Variants in TSPAN18 observed in about 807,000 individuals in gnomAD.
TSPAN18 encodes the protein tetraspanin 18.
Under a neutral mutation model 27.3 loss-of-function variants are expected in TSPAN18, and 14 were observed. The observed-to-expected ratio is 0.51, with a 90% CI of 0.34 to 0.80. The LOEUF (loss-of-function observed/expected upper bound fraction) is 0.80, where lower values mean the gene tolerates loss of function less well. TSPAN18 is among the 30% of genes least tolerant of loss of function. TSPAN18 has a pLI of 0.01. For missense variants in TSPAN18, 268 were observed against 323.9 expected (o/e 0.83, Z 1.32); for synonymous variants, 143 against 136.5 (o/e 1.05, Z -0.33).
At chr11:44,804,299 G>T (rs1040279439) in intron 2 of TSPAN18, among the ~76,000 whole-genome samples, 1 of 152,124 alleles carries the variant, frequency 6.6e-6, no homozygotes, top group Non-Finnish European at 1.5e-5. Context: ...CACCATGTTG[G>T]CCAGGCCGGT....
intron 2 of TSPAN18, among the ~76,000 whole-genome samples, chr11:44,807,192 TAAAAAAAAAAA>T (rs1046665098): frequency 7.4e-5 from 5 of 67,334 alleles, no homozygotes; most frequent in East Asian, 4.5e-4. Flanking sequence ...CCCTGTCTCT[TAAAAAAAAAAA>T]AAAAAAAAAA....
intron 8 of TSPAN18, chr11:44,925,634 C>G (rs919442081): frequency 1.3e-5 from 2 of 152,262 alleles, no homozygotes; most frequent in African/African-American, 2.4e-5. Flanking sequence ...CCGGTCTCAA[C>G]AGAGCCCAGA....
chr11:44,914,478 T>C (rs563993582), intron 5 of TSPAN18, among the ~76,000 whole-genome samples: 9 of 152,356 alleles, frequency 5.9e-5, no homozygotes, highest in African/African-American at 9.6e-5. Context: ...CATGTTTTGC[T>C]TGGCTGTGTT....
intron 2 of TSPAN18, among the ~76,000 whole-genome samples, chr11:44,794,434 G>A (rs577291189): frequency 3.0e-4 from 46 of 152,282 alleles, no homozygotes; most frequent in African/African-American, 7.7e-4. Context: ...TTGGGAGCCC[G>A]AGGCAGGTGG....
chr11:44,867,113 C>G (rs1248162098), intron 3 of TSPAN18, among the ~76,000 whole-genome samples: 1 of 152,158 alleles, frequency 6.6e-6, no homozygotes, highest in Non-Finnish European at 1.5e-5. Context: ...ACATGATCCT[C>G]AGACCAGCAT....
chr11:44,867,082 G>C (rs1390669769), intron 3 of TSPAN18, among the ~76,000 whole-genome samples: 1 of 152,164 alleles, frequency 6.6e-6, no homozygotes, highest in Admixed American at 6.5e-5. Flanking sequence ...AGTTGCTCAG[G>C]GTTTAAATAG....
At chr11:44,731,255 C>T (rs1173200603) in intron 1 of TSPAN18, among the ~76,000 whole-genome samples, 2 of 152,168 alleles carry the variant, frequency 1.3e-5, no homozygotes, top group Admixed American at 6.5e-5. Flanking sequence ...CTCTGAGCCT[C>T]GGTTTCTCTA....
intron 3 of TSPAN18, chr11:44,897,796 GTC>G (rs762194780): frequency 1.6e-6 from 2 of 1,289,388 alleles, no homozygotes; most frequent in South Asian, 2.5e-5. Context: ...TGACGGGAGA[GTC>G]TGTCCTGCTG....
chr11:44,732,098 C>T (rs971351965), intron 1 of TSPAN18, among the ~76,000 whole-genome samples: 6 of 152,354 alleles, frequency 3.9e-5, no homozygotes, highest in South Asian at 2.1e-4. Context: ...GCTCCAAGGA[C>T]GTGGGCTGGG....
chr11:44,862,961 C>G (rs1048130479), intron 3 of TSPAN18, among the ~76,000 whole-genome samples: 4 of 152,134 alleles, frequency 2.6e-5, no homozygotes, highest in Admixed American at 6.6e-5. Flanking sequence ...GTTAATAAAA[C>G]GAATCATACA....
intron 2 of TSPAN18, among the ~76,000 whole-genome samples, chr11:44,790,088 G>A (rs776267880): frequency 6.6e-6 from 1 of 152,208 alleles, no homozygotes; most frequent in Non-Finnish European, 1.5e-5. Flanking sequence ...GGTGGGTCGG[G>A]GCAGCAGCTT....
At chr11:44,867,695 G>A (rs974873387) in intron 3 of TSPAN18, among the ~76,000 whole-genome samples, 7 of 152,046 alleles carry the variant, frequency 4.6e-5, no homozygotes, top group Admixed American at 3.3e-4. Context: ...CACCACACCC[G>A]GCTCGTTTAT....
rs1460774808 is a variant in TSPAN18, at chr11:44,931,274, C to T, written c.*2096C>T. 3 of 236,124 alleles carry T rather than the reference C, an allele frequency of 1.3e-5. No homozygotes were observed. The highest frequency in any genetic ancestry group is 2.6e-5 in the Non-Finnish European group (3 of 117,184). 14.6% of individuals were successfully genotyped at this position (236,124 alleles called of 1,614,324 possible). A position where few individuals can be genotyped will look rare whatever the true frequency, so the allele number is the denominator to read the frequency against. On this transcript the variant is annotated 3_prime_UTR_variant, in exon 10 of 10. Coordinates refer to ENST00000520358, the MANE Select transcript of TSPAN18 (RefSeq NM_130783.5). ...CTGCCCCTCTTGAACCACCCACATG[C>T]TTAGCCCCAGCTTTTTGGAAGAGGC... is the stretch of plus-strand genomic sequence containing the variant.
chr11:44,875,476 C>A (rs2135246456), intron 3 of TSPAN18, among the ~76,000 whole-genome samples: 1 of 152,366 alleles, frequency 6.6e-6, no homozygotes, highest in Non-Finnish European at 1.5e-5. Flanking sequence ...GAAATCTTAC[C>A]TACCGACCTT....
rs371772636 is a variant in TSPAN18 at position 44,852,530 on chromosome 11, T to C, written c.-152-7798T>C. ...CTACTTGATATGTTGGCTTCTGAGT[T>C]AATTCACACTCAGGAGTGGCCTCAG... On this transcript the variant is annotated intron_variant, in intron 2 of 9. Transcript: ENST00000520358. 1.9e-4 allele frequency among the ~76,000 whole-genome samples: 26 copies of C among 139,232 alleles called. No homozygotes were observed. In the South Asian group the frequency reaches 4.2e-3, roughly 23 times the overall value. 91.3% of individuals were successfully genotyped at this position (139,232 alleles called of 152,430 possible). A position where few individuals can be genotyped will look rare whatever the true frequency, so the allele number is the denominator to read the frequency against.
At chr11:44,851,239 C>T (rs905735361) in intron 2 of TSPAN18, among the ~76,000 whole-genome samples, 1 of 152,190 alleles carries the variant, frequency 6.6e-6, no homozygotes, top group African/African-American at 2.4e-5. Context: ...GACTGGCCGG[C>T]TCTGAGTGGA....
In TSPAN18 at chr11:44,882,384, G is replaced by A. The variant is rs909724496; in HGVS notation, c.-11+21915G>A. ...GTCTCCACAGTCCTGAGGCTACCTC[G>A]GGCAAGCAGGGCTTTGTACAGTGGT... On this transcript the variant is annotated intron_variant, in intron 3 of 9. Transcript: ENST00000520358. Among the ~76,000 whole-genome samples the A allele has an allele frequency of 2.0e-5, 3 of 152,184 alleles. No individual in the cohort carries two copies. The East Asian group carries it at 5.8e-4, about 29-fold the overall frequency.
chr11:44,879,114 T>G (rs568093010), intron 3 of TSPAN18, among the ~76,000 whole-genome samples: 1 of 152,278 alleles, frequency 6.6e-6, no homozygotes, highest in Non-Finnish European at 1.5e-5. Flanking sequence ...GACCCCCTTG[T>G]TTTTACTGAG....
chr11:44,925,224 G>A (rs750825773), intron 8 of TSPAN18, among the ~76,000 whole-genome samples: 23 of 152,216 alleles, frequency 1.5e-4, no homozygotes, highest in Admixed American at 9.8e-4. Context: ...CTTGGGTATC[G>A]TCCTATAATG....
Sources: allele counts gnomAD v4.1 joint callset (sites outside exome capture counted in the v4.1 genomes callset), GRCh38; gene constraint gnomAD v4.1.1; transcripts MANE v1.5; gene names NCBI Gene and HGNC (gene_info 2026-07-23, HGNC 2026-07-21).